The following TMC1 variants were observed in gnomAD, a reference collection of about 807,000 sequenced individuals.
TMC1 encodes transmembrane channel-like protein 1.
In TMC1, 84 loss-of-function variants were observed where a neutral mutation model predicts 105.8. The observed-to-expected ratio is 0.79, with a 90% CI of 0.67 to 0.95. The LOEUF (loss-of-function observed/expected upper bound fraction) is 0.95. Among genes scored for constraint, TMC1 ranks in the 40% least tolerant of loss-of-function variants. The pLI is 0.00. For synonymous variants in TMC1, 315 were observed against 311.5 expected, an observed-to-expected ratio of 1.01 and a Z score of -0.12; for missense variants, 817 against 914.1, an observed-to-expected ratio of 0.89 and a Z score of 1.37.
At chr9:72,650,644 C>T (rs1355258405) in intron 5 of TMC1, among the ~76,000 whole-genome samples, 1 of 151,514 alleles carries the variant, frequency 6.6e-6, no homozygotes, top group Non-Finnish European at 1.5e-5. Flanking sequence ...TTTCTCCTCC[C>T]CTCCCTCATT....
intron 21 of TMC1, among the ~76,000 whole-genome samples, chr9:72,830,151 A>G (rs1829016835): frequency 6.6e-6 from 1 of 152,210 alleles, no homozygotes; most frequent in Admixed American, 6.5e-5. Context: ...ATGTGAATAC[A>G]TTTCCAGGAA....
At chr9:72,545,134 A>G (rs1259979306) in intron 1 of TMC1, among the ~76,000 whole-genome samples, 2 of 128,730 alleles carry the variant, frequency 1.6e-5, no homozygotes, top group Non-Finnish European at 3.1e-5. Flanking sequence ...CATGATATAT[A>G]TATACACACA....
intron 3 of TMC1, among the ~76,000 whole-genome samples, chr9:72,621,892 A>G (rs1825257194): frequency 6.6e-6 from 1 of 152,216 alleles, no homozygotes; most frequent in Non-Finnish European, 1.5e-5. Context: ...CCTAAGGAAA[A>G]TAATCATAAG....
At chr9:72,785,180 G>T (rs1828150618) in intron 13 of TMC1, among the ~76,000 whole-genome samples, 1 of 152,238 alleles carries the variant, frequency 6.6e-6, no homozygotes, top group South Asian at 2.1e-4. Context: ...GTCTTCAGGG[G>T]ATATGTTCTA....
intron 13 of TMC1, among the ~76,000 whole-genome samples, chr9:72,773,995 A>G (rs1233269018): frequency 1.3e-5 from 2 of 152,234 alleles, no homozygotes; most frequent in East Asian, 3.8e-4. Context: ...TGCCTGGATG[A>G]GAAAATTATT....
At chr9:72,736,443 T>G (rs532588226) in intron 8 of TMC1, among the ~76,000 whole-genome samples, 1 of 152,318 alleles carries the variant, frequency 6.6e-6, no homozygotes, top group African/African-American at 2.4e-5. Flanking sequence ...GGTAGAAATA[T>G]GGAGTAGCTA....
chr9:72,572,406 GC>G, intron 1 of TMC1, among the ~76,000 whole-genome samples: 1 of 151,932 alleles, frequency 6.6e-6, no homozygotes. Context: ...TATTGGCCAG[GC>G]TGGTCTTGAA....
intron 4 of TMC1, among the ~76,000 whole-genome samples, chr9:72,647,653 T>C (rs1825736542): frequency 6.6e-6 from 1 of 152,198 alleles, no homozygotes; most frequent in South Asian, 2.1e-4. Flanking sequence ...AGACATAATT[T>C]AGGGTGTGCT....
chr9:72,565,263 A>T (rs545753308), intron 1 of TMC1, among the ~76,000 whole-genome samples: 4 of 152,376 alleles, frequency 2.6e-5, no homozygotes, highest in African/African-American at 9.6e-5. Context: ...CAGAAACAGG[A>T]TGATGAGAAA....
intron 2 of TMC1, among the ~76,000 whole-genome samples, chr9:72,600,860 C>A (rs1294297661): frequency 1.3e-5 from 2 of 152,188 alleles, no homozygotes; most frequent in African/African-American, 4.8e-5. Context: ...GTTCCACCCC[C>A]AGAGCTTCTG....
intron 1 of TMC1, among the ~76,000 whole-genome samples, chr9:72,537,580 G>A (rs548223639): frequency 3.0e-4 from 45 of 152,278 alleles, no homozygotes; most frequent in African/African-American, 9.9e-4. Context: ...TTTATTTTGC[G>A]ATGGTTAAGG....
At chr9:72,692,268 G>A (rs775033570) in intron 6 of TMC1, among the ~76,000 whole-genome samples, 7 of 152,204 alleles carry the variant, frequency 4.6e-5, no homozygotes, top group Non-Finnish European at 1.0e-4. Context: ...ACATGGTTCA[G>A]TTGTTTTCTC....
chr9:72,569,886 G>A (rs574713632), intron 1 of TMC1, among the ~76,000 whole-genome samples: 1 of 152,124 alleles, frequency 6.6e-6, no homozygotes, highest in Admixed American at 6.6e-5. Flanking sequence ...GATTCCAAGG[G>A]TTAAGTCCTG....
intron 13 of TMC1, among the ~76,000 whole-genome samples, chr9:72,778,132 T>A (rs1344077807): frequency 6.6e-6 from 1 of 152,324 alleles, no homozygotes; most frequent in East Asian, 1.9e-4. Flanking sequence ...TATGTTGTTG[T>A]TATCCTCTGC....
intron 2 of TMC1, among the ~76,000 whole-genome samples, chr9:72,611,758 G>A (rs1039143907): frequency 1.3e-5 from 2 of 152,196 alleles, no homozygotes; most frequent in East Asian, 1.9e-4. Context: ...AGAAGGTCTT[G>A]GGTGGGATTT....
rs377681327 is a variant in TMC1, at chr9:72,809,586, T to C, written c.1695+4076T>C. ...AAGGAATACAGGGATGTAGAAGATG[T>C]AGACTTACGTAGAGGTTGCAAATTT... On this transcript the variant is annotated intron_variant, in intron 18 of 23. Coordinates refer to ENST00000297784, the MANE Select transcript of TMC1 (RefSeq NM_138691.3). 3.3e-5 allele frequency among the ~76,000 whole-genome samples: 5 copies of C among 152,232 alleles called. No individual in the cohort carries two copies. The East Asian group carries it at 7.7e-4, about 23-fold the overall frequency.
chr9:72,766,010 A>G (rs547913359), intron 12 of TMC1, among the ~76,000 whole-genome samples: 1 of 152,214 alleles, frequency 6.6e-6, no homozygotes, highest in Non-Finnish European at 1.5e-5. Context: ...CATACGACCT[A>G]TGAGATATTA....
chr9:72,628,957 T>C (rs1006023355), intron 4 of TMC1, among the ~76,000 whole-genome samples: 3 of 152,018 alleles, frequency 2.0e-5, no homozygotes, highest in African/African-American at 7.3e-5. Context: ...TAAGAATCAG[T>C]TTTTTTTAAA....
chr9:72,824,981 A>AAAGTT (rs575089528), intron 20 of TMC1, among the ~76,000 whole-genome samples: 68 of 152,336 alleles, frequency 4.5e-4, no homozygotes, highest in African/African-American at 1.6e-3. Context: ...TTTAGTATTA[A>AAAGTT]AAGTTAAAAT....
Sources: gnomAD v4.1 joint callset for allele counts (sites outside exome capture counted in the v4.1 genomes callset) on GRCh38, gnomAD v4.1.1 for gene constraint, MANE v1.5 for transcripts, NCBI Gene and HGNC (gene_info 2026-07-23, HGNC 2026-07-21) for gene names.